Variants in DCAF17 observed in about 807,000 individuals in gnomAD.
DCAF17 encodes the protein DDB1 and CUL4 associated factor 17.
Under a neutral mutation model 66.0 loss-of-function variants are expected in DCAF17, and 48 were observed. The observed-to-expected ratio is 0.73, with a 90% CI of 0.58 to 0.92. The LOEUF (loss-of-function observed/expected upper bound fraction) is 0.92, where lower values mean the gene tolerates loss of function less well. Ranked by LOEUF, DCAF17 falls within the 40% of genes least tolerant of loss-of-function variation. DCAF17 has a pLI of 0.00. For synonymous variants in DCAF17, 206 were observed against 214.6 expected, an observed-to-expected ratio of 0.96 and a Z score of 0.35; for missense variants, 562 against 622.8, an observed-to-expected ratio of 0.90 and a Z score of 1.04.
intron 2 of DCAF17, among the ~76,000 whole-genome samples, chr2:171,441,865 C>G (rs887936243): frequency 6.6e-6 from 1 of 152,156 alleles, no homozygotes; most frequent in African/African-American, 2.4e-5. Flanking sequence ...CCAGTTTTGC[C>G]AAGGAGTTTG....
Position 171,448,802 on chromosome 2 carries a change from C to T in DCAF17, c.443C>T (p.Pro148Leu). 1 of 1,612,650 alleles carries T rather than the reference C, an allele frequency of 6.2e-7. No individual in the cohort carries two copies. The highest frequency in any genetic ancestry group is 8.5e-7 in the Non-Finnish European group (1 of 1,179,156). ...ATCCTTGAGAAAATATATCTTGCAC[C>T]TTATTGCAAATTCAGGTATTTACTG... ...GKILEKIYLAPYCKFRYLSWD... is the reference protein window; with the variant it reads ...GKILEKIYLALYCKFRYLSWD... Residue 148 changes from proline to leucine, a missense_variant, in exon 4 of 14, where the codon CCT becomes CTT. By Grantham distance (98) the Pro-to-Leu change is moderately conservative (BLOSUM62 -3). Around this residue, in one of 3 missense-constraint regions of DCAF17, gnomAD observed 348 missense variants for 355.9 expected, o/e 0.98. Coordinates refer to ENST00000375255, the MANE Select transcript of DCAF17 (RefSeq NM_025000.4).
chr2:171,450,555 T>C (rs922154635), intron 5 of DCAF17, among the ~76,000 whole-genome samples: 1 of 152,130 alleles, frequency 6.6e-6, no homozygotes, highest in African/African-American at 2.4e-5. Context: ...TGGTGACTTA[T>C]GGGGAAATAC....
At chr2:171,439,694 T>TAG (rs1299968544) in intron 2 of DCAF17, among the ~76,000 whole-genome samples, 1 of 151,900 alleles carries the variant, frequency 6.6e-6, no homozygotes, top group Non-Finnish European at 1.5e-5. Flanking sequence ...TTGGGAGGAC[T>TAG]AGGTGGGCAG....
chr2:171,462,049 G>A (rs1226573032), intron 8 of DCAF17, among the ~76,000 whole-genome samples: 1 of 152,034 alleles, frequency 6.6e-6, no homozygotes, highest in Non-Finnish European at 1.5e-5. Flanking sequence ...TTATTTAATA[G>A]GTGGCCTTGT....
Position 171,457,997 on chromosome 2 carries a change from C to CT in DCAF17, c.656dup (p.Leu219PhefsTer19). 2 of 1,614,048 alleles carry CT rather than the reference C, an allele frequency of 1.2e-6. No homozygotes were observed. The highest frequency in any genetic ancestry group is 1.7e-6 in the Non-Finnish European group (2 of 1,179,962). On this transcript the variant is annotated frameshift_variant, in exon 7 of 14. Transcript: ENST00000375255. LOFTEE classifies it high-confidence loss of function. ...TTTTTGGGAACGTTACAGATGCTACCTTGTCTCATGGAATACTGATTGTGA... is the reference window on the plus strand; with the variant it reads ...TTTTTGGGAACGTTACAGATGCTACCTTTGTCTCATGGAATACTGATTGTGA...
chr2:171,476,059 ATAATT>A (rs1404191224), intron 10 of DCAF17, among the ~76,000 whole-genome samples: 1 of 152,176 alleles, frequency 6.6e-6, no homozygotes, highest in African/African-American at 2.4e-5. Flanking sequence ...AACTAAGTGA[ATAATT>A]TAAATTATTA....
intron 6 of DCAF17, 74 bp from the exon 7 acceptor site, chr2:171,457,897 C>A: frequency 8.5e-7 from 1 of 1,177,006 alleles, no homozygotes; most frequent in Non-Finnish European, 1.3e-6. Flanking sequence ...AGCAAGAGTA[C>A]AAACCACTGT....
chr2:171,458,246 T>G, intron 7 of DCAF17, 126 bp from the exon 8 acceptor site: 1 of 1,056,260 alleles, frequency 9.5e-7, no homozygotes, highest in Non-Finnish European at 1.4e-6. Flanking sequence ...GTGGGGAAGA[T>G]AAACAGAAAG....
intron 8 of DCAF17, among the ~76,000 whole-genome samples, chr2:171,463,036 GC>G (rs1171759774): frequency 6.6e-6 from 1 of 152,018 alleles, no homozygotes; most frequent in Admixed American, 6.6e-5. Context: ...TTCGAGACCA[GC>G]CTAGCCAACA....
chr2:171,440,267 G>C (rs1015578738), intron 2 of DCAF17, among the ~76,000 whole-genome samples: 2 of 152,046 alleles, frequency 1.3e-5, no homozygotes, highest in African/African-American at 4.8e-5. Context: ...TTGGTTGAGG[G>C]CTATATATGA....
In DCAF17 at chr2:171,443,831, A is replaced by AT. The variant is rs142546653; in HGVS notation, c.321+226dup. Among the ~76,000 whole-genome samples the AT allele has an allele frequency of 9.3e-3, 1,415 of 152,108 alleles. 21 individuals carry two copies. Among genetic ancestry groups the AT allele is most frequent in the African/African-American group, 0.032 (1,337 of 41,514 alleles). ...TGAATGTGTTTTTAAAATTAGATAG[A>AT]TTTTTTTTAGATCCTGAAAACTAAA... On this transcript the variant is annotated intron_variant, in intron 3 of 13. Transcript: ENST00000375255.
chr2:171,458,264 G>GA, intron 7 of DCAF17, 108 bp from the exon 8 acceptor site: 1 of 1,117,038 alleles, frequency 9.0e-7, no homozygotes, highest in Non-Finnish European at 1.3e-6. Context: ...AAGGCCATTG[G>GA]AAAAAGACAT....
At chr2:171,467,496 C>T (rs1487997079) in intron 8 of DCAF17, among the ~76,000 whole-genome samples, 1 of 151,966 alleles carries the variant, frequency 6.6e-6, no homozygotes, top group Non-Finnish European at 1.5e-5. Context: ...TGAGACCAGC[C>T]TGGCCAACGT....
chr2:171,434,745 G>A (rs917251302), intron 1 of DCAF17, 42 bp downstream of exon 1: 1 of 1,392,242 alleles, frequency 7.2e-7, no homozygotes, highest in South Asian at 1.6e-5. Flanking sequence ...GGCCGCGGGC[G>A]CGCGGCGGCC....
chr2:171,449,738 CTATT>C lies in DCAF17; in HGVS notation c.459-135_459-132del, dbSNP rs1463959312. The C allele has an allele frequency of 2.1e-5, 11 of 531,070 alleles. No homozygotes were observed. In the South Asian group the frequency reaches 2.7e-4, roughly 13 times the overall value. The allele number at this position is 531,070 out of a possible 1,614,324, so 32.9% of individuals were successfully genotyped here. ...GGGGATATAGAGGAAATTTTTTTAG[CTATT>C]TATTTTTTAAAATAGATCACTTTGC... On this transcript the variant is annotated intron_variant, in intron 4 of 13. Transcript: ENST00000375255.
chr2:171,457,188 A>G lies in DCAF17; in HGVS notation c.628-783A>G, dbSNP rs1451411259. Among the ~76,000 whole-genome samples the G allele has an allele frequency of 3.3e-5, 5 of 152,290 alleles. No individual in the cohort carries two copies. The East Asian group carries it at 9.6e-4, about 29-fold the overall frequency. ...CTTCTAAGAGATGACAAAAAATACAACTCATAATTTAATTGTTCTCTCTGT... is the reference window on the plus strand; with the variant it reads ...CTTCTAAGAGATGACAAAAAATACAGCTCATAATTTAATTGTTCTCTCTGT... On this transcript the variant is annotated intron_variant, in intron 6 of 13. Transcript: ENST00000375255.
Position 171,453,112 on chromosome 2 carries a change from C to T in DCAF17, c.538-12C>T. 1.3e-6 allele frequency: 2 copies of T among 1,590,730 alleles called. No individual in the cohort carries two copies. The highest frequency in any genetic ancestry group is 8.6e-7 in the Non-Finnish European group (1 of 1,168,166). ...TTTGAGAGCTGCGTGTAATTGTAGT[C>T]TTTCCTTCTAGGCAGGCATTCAACA... is the stretch of plus-strand genomic sequence containing the variant. On this transcript the variant is annotated splice_polypyrimidine_tract_variant and intron_variant, in intron 5 of 13. Transcript: ENST00000375255.
intron 8 of DCAF17, 76 bp downstream of exon 8, chr2:171,458,553 C>T: frequency 8.8e-7 from 1 of 1,133,662 alleles, no homozygotes; most frequent in Non-Finnish European, 1.3e-6. Flanking sequence ...TTATAGTCAT[C>T]CAAATGTTTT....
chr2:171,449,287 C>T (rs1349027262), intron 4 of DCAF17, among the ~76,000 whole-genome samples: 1 of 152,134 alleles, frequency 6.6e-6, no homozygotes, highest in Non-Finnish European at 1.5e-5. Flanking sequence ...GGATTACAGG[C>T]GTGAGCCATC....
Sources: allele counts gnomAD v4.1 joint callset (sites outside exome capture counted in the v4.1 genomes callset), GRCh38; gene constraint gnomAD v4.1.1; regional missense constraint gnomAD v4.1.1; transcripts MANE v1.5; gene names NCBI Gene and HGNC (gene_info 2026-07-23, HGNC 2026-07-21).